CATSPERE: variants seen among roughly 807,000 people sequenced by gnomAD.
The protein encoded by CATSPERE is catsper channel auxiliary subunit epsilon.
Under a neutral mutation model 114.1 loss-of-function variants are expected in CATSPERE, and 93 were observed. The ratio of observed to expected loss-of-function variants is 0.81; its 90% confidence interval spans 0.69 to 0.97. CATSPERE has a LOEUF of 0.97. CATSPERE is among the 50% of genes least tolerant of loss of function. The pLI is 0.00. For missense variants in CATSPERE, 1,058 were observed against 1,131.6 expected (o/e 0.93, Z 0.93); for synonymous variants, 341 against 384.1 (o/e 0.89, Z 1.31).
intron 1 of CATSPERE, among the ~76,000 whole-genome samples, chr1:244,462,924 A>G (rs1667039182): frequency 6.6e-6 from 1 of 152,220 alleles, no homozygotes; most frequent in South Asian, 2.1e-4. Context: ...TGCAATGTAG[A>G]CATGGAATAG....
intron 5 of CATSPERE, among the ~76,000 whole-genome samples, chr1:244,485,779 C>T (rs1670914970): frequency 6.6e-6 from 1 of 151,154 alleles, no homozygotes; most frequent in African/African-American, 2.4e-5. Context: ...CTCACGTAAC[C>T]TCAAACTCTT....
chr1:244,607,578 A>G lies in CATSPERE; in HGVS notation c.2403+1784A>G, dbSNP rs1238475926. ...TTCGCATGGCTGGAATATGAGCAGA[A>G]GTCATAGGTGTCACTTCCAGGTGAA... is the stretch of plus-strand genomic sequence containing the variant. On this transcript the variant is annotated intron_variant, in intron 18 of 21. Coordinates refer to ENST00000366534, the MANE Select transcript of CATSPERE (RefSeq NM_001130957.2). The surrounding 1 kb of genome is among the most constrained non-coding windows in gnomAD (Gnocchi z 4.4). 2.0e-5 allele frequency among the ~76,000 whole-genome samples: 3 copies of G among 152,234 alleles called. No homozygotes were observed. The highest frequency in any genetic ancestry group is 7.2e-5 in the African/African-American group (3 of 41,458).
At chr1:244,535,285 C>G (rs892544683) in intron 8 of CATSPERE, among the ~76,000 whole-genome samples, 2 of 152,152 alleles carry the variant, frequency 1.3e-5, no homozygotes, top group African/African-American at 2.4e-5. Context: ...ACTCAAGGCC[C>G]TAGGGCTCTA....
At chr1:244,473,896 A>G (rs2148128082) in intron 2 of CATSPERE, among the ~76,000 whole-genome samples, 1 of 152,172 alleles carries the variant, frequency 6.6e-6, no homozygotes, top group African/African-American at 2.4e-5. Flanking sequence ...TCTTTTCTTT[A>G]AAAAAATTAT....
At chr1:244,610,185 A>G in intron 18 of CATSPERE, 55 bp from the exon 19 acceptor site, 1 of 1,129,366 alleles carries the variant, frequency 8.9e-7, no homozygotes. Flanking sequence ...ATACTTAGGA[A>G]TAAGTTGATA....
At chr1:244,592,374 C>G in intron 15 of CATSPERE, among the ~76,000 whole-genome samples, 1 of 152,064 alleles carries the variant, frequency 6.6e-6, no homozygotes, top group South Asian at 2.1e-4. Flanking sequence ...AAAGATATAA[C>G]TAAATAAAAT....
chr1:244,539,207 C>T lies in CATSPERE; in HGVS notation c.537-13115C>T, dbSNP rs540591963. ...AGGGTTGTTGAATTTTGTCAAAGGC[C>T]TTTTCTGCATCTATTGAGATAATCG... On this transcript the variant is annotated intron_variant, in intron 8 of 21. Transcript: ENST00000366534. 3.3e-5 allele frequency among the ~76,000 whole-genome samples: 5 copies of T among 151,588 alleles called. No homozygotes were observed. The East Asian group carries it at 7.8e-4, about 24-fold the overall frequency.
chr1:244,495,835 TGGGGC>T, intron 6 of CATSPERE, among the ~76,000 whole-genome samples: 1 of 152,218 alleles, frequency 6.6e-6, no homozygotes, highest in African/African-American at 2.4e-5. Context: ...CACCTCTTTT[TGGGGC>T]TGTAAACAGA....
upstream of CATSPERE, among the ~76,000 whole-genome samples, chr1:244,453,582 GC>G (rs1216453648): frequency 6.6e-6 from 1 of 152,230 alleles, no homozygotes; most frequent in Non-Finnish European, 1.5e-5. Flanking sequence ...GGATCCAGAA[GC>G]CTGCCCAAGC....
intron 21 of CATSPERE, among the ~76,000 whole-genome samples, chr1:244,639,326 C>T (rs1462469958): frequency 1.3e-5 from 2 of 152,248 alleles, no homozygotes; most frequent in Admixed American, 1.3e-4. Flanking sequence ...CAAGCTAACT[C>T]CTGCCCAGGC....
chr1:244,534,576 T>C (rs1260793015), intron 8 of CATSPERE, among the ~76,000 whole-genome samples: 1 of 152,142 alleles, frequency 6.6e-6, no homozygotes, highest in African/African-American at 2.4e-5. Flanking sequence ...TTCTTCATTA[T>C]GTCGATTGCA....
At chr1:244,515,308 T>C in intron 7 of CATSPERE, 1 of 980,442 alleles carries the variant, frequency 1.0e-6, no homozygotes, top group Non-Finnish European at 1.2e-6. Context: ...TCATGAAAGA[T>C]ACATACTCTC....
chr1:244,455,827 C>T (rs1222155591), intron 1 of CATSPERE, among the ~76,000 whole-genome samples: 1 of 151,790 alleles, frequency 6.6e-6, no homozygotes, highest in Non-Finnish European at 1.5e-5. Context: ...CTCATGAAAC[C>T]CCAAGAATTA....
intron 14 of CATSPERE, among the ~76,000 whole-genome samples, chr1:244,589,807 A>G (rs1409663545): frequency 6.6e-6 from 1 of 152,214 alleles, no homozygotes; most frequent in African/African-American, 2.4e-5. Flanking sequence ...AATAATAACT[A>G]TCAAGCTCAG....
intron 17 of CATSPERE, chr1:244,598,686 A>G (rs1418561799): frequency 8.7e-6 from 2 of 230,338 alleles, no homozygotes; most frequent in Admixed American, 4.0e-5. Context: ...AACATCACCC[A>G]TATTTAATTC....
At chr1:244,511,627 T>C (rs1044213395) in intron 7 of CATSPERE, among the ~76,000 whole-genome samples, 2 of 152,196 alleles carry the variant, frequency 1.3e-5, no homozygotes, top group Non-Finnish European at 2.9e-5. Context: ...TTCTTCTTTG[T>C]GTTATTGATA....
chr1:244,478,050 TC>T (rs1235966589), intron 4 of CATSPERE, 75 bp downstream of exon 4: 22 of 1,126,148 alleles, frequency 2.0e-5, no homozygotes, highest in South Asian at 2.7e-5. Flanking sequence ...ATTTTGCCTT[TC>T]TTTTGAGCTT....
At chr1:244,587,671 A>T (rs1400926352) in intron 13 of CATSPERE, among the ~76,000 whole-genome samples, 1 of 152,266 alleles carries the variant, frequency 6.6e-6, no homozygotes, top group African/African-American at 2.4e-5. Flanking sequence ...GTTAATAATT[A>T]GCCTGTGACC....
In CATSPERE at chr1:244,572,349, G is replaced by A. The variant is rs1664594967; in HGVS notation, c.1527G>A (p.Leu509=). The change falls in exon 11 of 22, where the codon TTG becomes TTA. Residue 509 remains leucine (L), a synonymous_variant. Coordinates refer to ENST00000366534, the MANE Select transcript of CATSPERE (RefSeq NM_001130957.2). ...TTCCAGATTATTATGGAGATATTTT[G>A]GTAAAAATGGAAAATAATGTAATAT... ...EVFIDYYGDI[L]VKMENNVIFY... 1 of 1,442,898 alleles carries A rather than the reference G, an allele frequency of 6.9e-7. No individual in the cohort carries two copies. Among genetic ancestry groups the A allele is most frequent in the Non-Finnish European group, 9.6e-7 (1 of 1,043,744 alleles). 89.4% of individuals were successfully genotyped at this position (1,442,898 alleles called of 1,614,324 possible). A position where few individuals can be genotyped will look rare whatever the true frequency, so the allele number is the denominator to read the frequency against.
Sources: gnomAD v4.1 joint callset for allele counts (sites outside exome capture counted in the v4.1 genomes callset) on GRCh38, gnomAD v4.1.1 for gene constraint, Gnocchi (gnomAD v3.1) non-coding constraint, MANE v1.5 for transcripts, NCBI Gene and HGNC (gene_info 2026-07-23, HGNC 2026-07-21) for gene names.